The following WWOX variants were observed in gnomAD, a reference collection of about 807,000 sequenced individuals.
The protein encoded by WWOX is WW domain-containing oxidoreductase.
WWOX carries 69 observed loss-of-function variants against 46.2 expected under a neutral mutation model. The observed-to-expected ratio is 1.49, with a 90% confidence interval of 1.23 to 1.82. The LOEUF (loss-of-function observed/expected upper bound fraction) is 1.82. Among genes scored for constraint, WWOX ranks in the 40% most tolerant of loss-of-function variants. The pLI is 0.00. For synonymous variants in WWOX, 359 were observed against 202.6 expected (o/e 1.77, Z -6.56); for missense variants, 919 against 542.6 (o/e 1.69, Z -6.89).
intron 6 of WWOX, among the ~76,000 whole-genome samples, chr16:78,424,120 GTT>G (rs565162154): frequency 1.6e-4 from 17 of 108,064 alleles, no homozygotes; most frequent in African/African-American, 3.5e-4. Context: ...TTTTTTTTTT[GTT>G]TTTTTTTTTT....
intron 8 of WWOX, among the ~76,000 whole-genome samples, chr16:79,014,230 A>G (rs1474204745): frequency 1.3e-5 from 2 of 152,048 alleles, no homozygotes; most frequent in Non-Finnish European, 2.9e-5. Flanking sequence ...TGGTCATGGG[A>G]GTAGTGGTTA....
At chr16:78,841,263 C>T (rs569508886) in intron 8 of WWOX, among the ~76,000 whole-genome samples, 3 of 152,344 alleles carry the variant, frequency 2.0e-5, no homozygotes, top group Admixed American at 2.0e-4. Flanking sequence ...CATCTTGAAA[C>T]ATCATGCAGC....
intron 8 of WWOX, among the ~76,000 whole-genome samples, chr16:79,048,322 C>T (rs375923609): frequency 2.4e-4 from 37 of 152,172 alleles, no homozygotes; most frequent in African/African-American, 8.0e-4. Context: ...GGCCCCAGCC[C>T]TCCAGCCCCA....
intron 8 of WWOX, among the ~76,000 whole-genome samples, chr16:78,940,644 C>T (rs12596836): frequency 0.44 from 66,273 of 150,604 alleles, 15,212 homozygotes; most frequent in Middle Eastern, 0.53. Context: ...GGCATGTGCA[C>T]ATATGTCTTT....
intron 8 of WWOX, among the ~76,000 whole-genome samples, chr16:78,849,002 G>A (rs1010516365): frequency 2.6e-5 from 4 of 152,196 alleles, no homozygotes; most frequent in Non-Finnish European, 4.4e-5. Flanking sequence ...CAAAGACATA[G>A]TTACCATGAG....
intron 8 of WWOX, among the ~76,000 whole-genome samples, chr16:78,791,963 GT>G: frequency 6.6e-6 from 1 of 152,222 alleles, no homozygotes; most frequent in East Asian, 1.9e-4. Flanking sequence ...TTTTCTTATT[GT>G]TTTTTGTTTT....
intron 8 of WWOX, among the ~76,000 whole-genome samples, chr16:79,000,714 T>A (rs1405538052): frequency 6.6e-6 from 1 of 152,156 alleles, no homozygotes; most frequent in African/African-American, 2.4e-5. Context: ...AAAATAAATT[T>A]GTTTTAAGCC....
intron 8 of WWOX, among the ~76,000 whole-genome samples, chr16:78,450,830 T>C (rs1354106885): frequency 6.6e-6 from 1 of 152,160 alleles, no homozygotes; most frequent in Non-Finnish European, 1.5e-5. Flanking sequence ...CTAAGAAAGA[T>C]CATAAGAAGA....
At chr16:78,873,764 G>C (rs1314069148) in intron 8 of WWOX, among the ~76,000 whole-genome samples, 1 of 152,074 alleles carries the variant, frequency 6.6e-6, no homozygotes, top group Non-Finnish European at 1.5e-5. Flanking sequence ...ACTCCAGCCT[G>C]GGCAACAGAG....
intron 8 of WWOX, among the ~76,000 whole-genome samples, chr16:78,817,583 C>T (rs534338502): frequency 6.6e-6 from 1 of 152,208 alleles, no homozygotes; most frequent in Non-Finnish European, 1.5e-5. Context: ...TACAAAACCT[C>T]TCGCTTGGAG....
intron 8 of WWOX, among the ~76,000 whole-genome samples, chr16:78,920,528 C>A (rs991204567): frequency 6.6e-6 from 1 of 152,134 alleles, no homozygotes; most frequent in Non-Finnish European, 1.5e-5. Context: ...TTGTCAGTCA[C>A]GTAGAAAGCA....
intron 8 of WWOX, among the ~76,000 whole-genome samples, chr16:78,681,782 A>C (rs547365466): frequency 6.6e-6 from 1 of 152,142 alleles, no homozygotes; most frequent in Non-Finnish European, 1.5e-5. Context: ...GTGGCGTACT[A>C]TCTATTTGGC....
chr16:78,377,139 T>C (rs2081850013), intron 5 of WWOX, among the ~76,000 whole-genome samples: 8 of 152,222 alleles, frequency 5.3e-5, no homozygotes, highest in Admixed American at 5.2e-4. Flanking sequence ...CTATTAAATA[T>C]TCAGAATATA....
intron 8 of WWOX, among the ~76,000 whole-genome samples, chr16:79,163,729 G>A (rs1171118542): frequency 2.0e-5 from 3 of 150,032 alleles, no homozygotes; most frequent in Non-Finnish European, 2.9e-5. Context: ...ACTGGGAGGC[G>A]GAGGTTGCAG....
chr16:78,517,236 C>A (rs2043253364), intron 8 of WWOX, among the ~76,000 whole-genome samples: 1 of 152,052 alleles, frequency 6.6e-6, no homozygotes, highest in Admixed American at 6.5e-5. Flanking sequence ...GTTACCTTTT[C>A]CTGAAACAAA....
At chr16:78,357,572 T>C (rs2081323656) in intron 5 of WWOX, among the ~76,000 whole-genome samples, 1 of 152,212 alleles carries the variant, frequency 6.6e-6, no homozygotes. Context: ...AAACGTGGTC[T>C]GGGACACATT....
intron 8 of WWOX, among the ~76,000 whole-genome samples, chr16:78,959,305 T>C (rs1413020281): frequency 6.6e-6 from 1 of 152,256 alleles, no homozygotes; most frequent in Non-Finnish European, 1.5e-5. Flanking sequence ...ATGTATTTTT[T>C]ACCTGTTGCT....
At chr16:78,577,407 G>A (rs1463932678) in intron 8 of WWOX, among the ~76,000 whole-genome samples, 3 of 152,122 alleles carry the variant, frequency 2.0e-5, no homozygotes, top group Non-Finnish European at 2.9e-5. Context: ...CAGCACTGCG[G>A]CCATGAGTAA....
chr16:79,197,379 A>C (rs1237112473), intron 8 of WWOX, among the ~76,000 whole-genome samples: 1 of 151,910 alleles, frequency 6.6e-6, no homozygotes, highest in Non-Finnish European at 1.5e-5. Flanking sequence ...TTTCCTCCCA[A>C]CTCTGCATTC....
Sources: gnomAD v4.1 joint callset for allele counts (sites outside exome capture counted in the v4.1 genomes callset) on GRCh38, gnomAD v4.1.1 for gene constraint, MANE v1.5 for transcripts, NCBI Gene and HGNC (gene_info 2026-07-23, HGNC 2026-07-21) for gene names.